Variants in ENTREP2 observed in about 807,000 individuals in gnomAD.
The protein encoded by ENTREP2 is endosomal transmembrane epsin interactor 2.
the ENTREP2 span, among the ~76,000 whole-genome samples, chr15:29,616,436 A>G: frequency 2.6e-5 from 4 of 151,958 alleles, no homozygotes; most frequent in African/African-American, 4.8e-5. Context: ...TTTTTTTCCA[A>G]TTCCCCTGCT....
chr15:29,558,234 A>G, the ENTREP2 span, among the ~76,000 whole-genome samples: 5 of 152,124 alleles, frequency 3.3e-5, no homozygotes, highest in African/African-American at 1.2e-4. Context: ...GCAGCCTGTC[A>G]TCATGTGAAC....
chr15:29,208,800 C>T, the ENTREP2 span, among the ~76,000 whole-genome samples: 1 of 152,122 alleles, frequency 6.6e-6, no homozygotes, highest in African/African-American at 2.4e-5. Flanking sequence ...TAGCCTCACA[C>T]TGGGAGGAGA....
chr15:29,140,641 G>A, the ENTREP2 span, among the ~76,000 whole-genome samples: 5 of 151,882 alleles, frequency 3.3e-5, no homozygotes, highest in Non-Finnish European at 5.9e-5. Context: ...TTCACCTGGC[G>A]CCTCCCAGTC....
At chr15:29,431,467 T>C in the ENTREP2 span, among the ~76,000 whole-genome samples, 1 of 151,880 alleles carries the variant, frequency 6.6e-6, no homozygotes, top group Admixed American at 6.5e-5. Flanking sequence ...TTTAAATTAA[T>C]TAAAAATATA....
chr15:29,601,704 C>G, the ENTREP2 span, among the ~76,000 whole-genome samples: 8 of 152,072 alleles, frequency 5.3e-5, no homozygotes. Flanking sequence ...CTTTTGTGTA[C>G]TTTCATCTTT....
At chr15:29,536,016 C>T in the ENTREP2 span, among the ~76,000 whole-genome samples, 3 of 152,124 alleles carry the variant, frequency 2.0e-5, no homozygotes, top group African/African-American at 4.8e-5. Flanking sequence ...CCTCTTCCCT[C>T]GGACAGATCC....
chr15:29,382,155 G>A, the ENTREP2 span, among the ~76,000 whole-genome samples: 2 of 151,884 alleles, frequency 1.3e-5, no homozygotes, highest in South Asian at 2.1e-4. Flanking sequence ...CTAGCTACTC[G>A]GGAGGCTGAG....
chr15:29,395,462 CTAT>C, the ENTREP2 span, among the ~76,000 whole-genome samples: 1 of 151,886 alleles, frequency 6.6e-6, no homozygotes, highest in Non-Finnish European at 1.5e-5. Context: ...TACCATATGG[CTAT>C]TATTTTTATA....
chr15:29,516,860 G>A, the ENTREP2 span, among the ~76,000 whole-genome samples: 1 of 151,894 alleles, frequency 6.6e-6, no homozygotes, highest in African/African-American at 2.4e-5. Context: ...GTGGTTCTCT[G>A]GGGTGAGTTA....
At chr15:29,414,871 C>G in the ENTREP2 span, among the ~76,000 whole-genome samples, 25 of 150,646 alleles carry the variant, frequency 1.7e-4, no homozygotes, top group Admixed American at 1.3e-4. Context: ...CTATAAACAC[C>G]TCTACACAAA....
the ENTREP2 span, among the ~76,000 whole-genome samples, chr15:29,487,085 T>G: frequency 0.047 from 7,101 of 152,314 alleles, 177 homozygotes; most frequent in Middle Eastern, 0.092. Context: ...GATATGCTAA[T>G]TATCCTGATT....
At chr15:29,449,884 C>A in the ENTREP2 span, among the ~76,000 whole-genome samples, 4 of 152,034 alleles carry the variant, frequency 2.6e-5, no homozygotes, top group Non-Finnish European at 5.9e-5. Context: ...TTAAGCAGTC[C>A]CTTTCCTCTA....
the ENTREP2 span, among the ~76,000 whole-genome samples, chr15:29,639,971 G>A: frequency 1.5e-4 from 23 of 152,006 alleles, no homozygotes; most frequent in East Asian, 3.9e-4. Context: ...GTTTCACCAC[G>A]TTGGCCAGGC....
the ENTREP2 span, among the ~76,000 whole-genome samples, chr15:29,392,119 T>C: frequency 1.3e-5 from 2 of 152,080 alleles, no homozygotes; most frequent in Admixed American, 6.6e-5. Flanking sequence ...TGAGCCACTG[T>C]GCCCGGCCTT....
At chr15:29,547,912 A>C in the ENTREP2 span, among the ~76,000 whole-genome samples, 4 of 152,350 alleles carry the variant, frequency 2.6e-5, no homozygotes, top group African/African-American at 9.6e-5. Context: ...ACAAGGAAGG[A>C]GATTCTGATA....
chr15:29,665,160 A>T, the ENTREP2 span, among the ~76,000 whole-genome samples: 22 of 152,108 alleles, frequency 1.4e-4, no homozygotes, highest in African/African-American at 5.3e-4. Flanking sequence ...GCAGTGCCCC[A>T]TCTCATGCCC....
At chr15:29,158,895 A>G in the ENTREP2 span, among the ~76,000 whole-genome samples, 132 of 151,916 alleles carry the variant, frequency 8.7e-4, 1 homozygote, top group Non-Finnish European at 1.7e-3. Flanking sequence ...GCAAAGCTAC[A>G]GTTGATAAAT....
At chr15:29,313,831 A>T in the ENTREP2 span, among the ~76,000 whole-genome samples, 1 of 152,194 alleles carries the variant, frequency 6.6e-6, no homozygotes, top group African/African-American at 2.4e-5. Context: ...GGGTGGAGTA[A>T]ATTGACAACC....
At chr15:29,561,055 C>T in the ENTREP2 span, among the ~76,000 whole-genome samples, 1 of 4,284 alleles carries the variant, frequency 2.3e-4, no homozygotes, top group Non-Finnish European at 3.8e-4. Context: ...GAGATATCAT[C>T]TCACACCTGT....
Sources: allele counts gnomAD v4.1 joint callset (sites outside exome capture counted in the v4.1 genomes callset), GRCh38; gene constraint gnomAD v4.1.1; transcripts MANE v1.5; gene names NCBI Gene and HGNC (gene_info 2026-07-23, HGNC 2026-07-21).